DLGAP2: variants seen among roughly 807,000 people sequenced by gnomAD.
DLGAP2 encodes DLG associated protein 2, also known as disks large-associated protein 2.
DLGAP2 carries 26 observed loss-of-function variants against 100.3 expected under a neutral mutation model. The ratio of observed to expected loss-of-function variants is 0.26; its 90% CI spans 0.19 to 0.36. The LOEUF (loss-of-function observed/expected upper bound fraction) is 0.36, where lower values mean the gene tolerates loss of function less well. DLGAP2 is among the 10% of genes least tolerant of loss of function. The pLI is 1.00. For synonymous variants in DLGAP2, 886 were observed against 630.1 expected (o/e 1.41, Z -6.08); for missense variants, 1,858 against 1,453.2 (o/e 1.28, Z -4.53).
At chr8:1,282,543 C>A (rs1362754020) in intron 3 of DLGAP2, among the ~76,000 whole-genome samples, 3 of 128,124 alleles carry the variant, frequency 2.3e-5, no homozygotes, top group South Asian at 2.6e-4. Context: ...CCTGAACCAT[C>A]CGGACATGGT....
Position 835,152 on chromosome 8 carries a change from C to T in DLGAP2, c.19-72760C>T, listed in dbSNP as rs186148188. ...TCATATGGATGGAGTTAATGCTCCT[C>T]GTCTGGTACTATGCACTGAATTGAA... On this transcript the variant is annotated intron_variant, in intron 1 of 14. Coordinates refer to ENST00000637795, the MANE Select transcript of DLGAP2 (RefSeq NM_001346810.2). 2.0e-4 allele frequency among the ~76,000 whole-genome samples: 30 copies of T among 152,186 alleles called. No individual in the cohort carries two copies. The South Asian group carries it at 4.2e-3, about 21-fold the overall frequency.
At chr8:999,384 T>C (rs1355844791) in intron 2 of DLGAP2, among the ~76,000 whole-genome samples, 1 of 152,102 alleles carries the variant, frequency 6.6e-6, no homozygotes, top group Non-Finnish European at 1.5e-5. Flanking sequence ...AGGTGATTAT[T>C]TTGAATCTTC....
intron 1 of DLGAP2, among the ~76,000 whole-genome samples, chr8:879,099 T>A (rs1331561718): frequency 1.3e-5 from 2 of 152,200 alleles, no homozygotes; most frequent in African/African-American, 4.8e-5. Context: ...TTTATTTTTA[T>A]TTTTTACATT....
intron 3 of DLGAP2, among the ~76,000 whole-genome samples, chr8:1,478,345 C>T (rs1798992684): frequency 6.6e-6 from 1 of 152,216 alleles, no homozygotes; most frequent in Non-Finnish European, 1.5e-5. Context: ...GAGCACCCCT[C>T]AGCTCATGTG....
chr8:1,060,088 G>A (rs948027345), intron 2 of DLGAP2, among the ~76,000 whole-genome samples: 1 of 152,202 alleles, frequency 6.6e-6, no homozygotes, highest in Non-Finnish European at 1.5e-5. Flanking sequence ...CACAGGGTCA[G>A]ATGCGAACTG....
At chr8:1,330,174 G>A (rs960646280) in intron 3 of DLGAP2, among the ~76,000 whole-genome samples, 15 of 152,332 alleles carry the variant, frequency 9.8e-5, no homozygotes, top group South Asian at 4.1e-4. Flanking sequence ...GGTGCTGGCC[G>A]TGGTGCTGAC....
intron 2 of DLGAP2, among the ~76,000 whole-genome samples, chr8:1,189,938 G>A (rs968159340): frequency 6.6e-6 from 1 of 152,140 alleles, no homozygotes; most frequent in Non-Finnish European, 1.5e-5. Context: ...GAAAATCCTA[G>A]GAAAAGCCAA....
intron 3 of DLGAP2, chr8:1,262,680 C>T (rs1799375572): frequency 1.3e-5 from 2 of 152,092 alleles, no homozygotes; most frequent in South Asian, 4.1e-4. Context: ...AAGGCAGTAA[C>T]CAGTTACTAT....
At chr8:1,011,508 A>G (rs962396256) in intron 2 of DLGAP2, among the ~76,000 whole-genome samples, 11 of 148,028 alleles carry the variant, frequency 7.4e-5, no homozygotes, top group Non-Finnish European at 1.6e-4. Context: ...GAGGGGTCTC[A>G]GTCTGCACAG....
At position 1,678,222 on chromosome 8, in the gene DLGAP2, G is replaced by A. The variant is rs774832692; in HGVS notation, c.2297G>A (p.Arg766His). ...VQVEDEKRHG[R>H]FKRSNSVTAA... ...CTTCCCTCCTTTTGCAGACACGGAC[G>A]TTTTAAACGTTCTAACAGCGTCACG... Residue 766 changes from arginine to histidine, a missense_variant, in exon 12 of 15, where the codon CGT becomes CAT. Transcript: ENST00000637795. The A allele has an allele frequency of 1.6e-5, 25 of 1,610,290 alleles. No individual in the cohort carries two copies. The highest frequency in any genetic ancestry group is 5.0e-5 in the Admixed American group (3 of 59,852).
chr8:1,277,169 G>T lies in DLGAP2; in HGVS notation c.106+18286G>T, dbSNP rs139358313. Among the ~76,000 whole-genome samples the T allele has an allele frequency of 2.4e-3, 358 of 152,280 alleles. 2 individuals are homozygous for T. Among genetic ancestry groups the T allele is most frequent in the African/African-American group, 7.6e-3 (317 of 41,554 alleles). ...AGAATCTAGAAATCTCAGAAATATA[G>T]TGTTTCATTCAAAGTGTGGCTATTT... On this transcript the variant is annotated intron_variant, in intron 3 of 14. Coordinates refer to ENST00000637795, the MANE Select transcript of DLGAP2 (RefSeq NM_001346810.2).
At chr8:1,327,670 C>G (rs746535085) in intron 3 of DLGAP2, among the ~76,000 whole-genome samples, 4 of 152,008 alleles carry the variant, frequency 2.6e-5, no homozygotes, top group Non-Finnish European at 5.9e-5. Context: ...CCATGAAACC[C>G]CATCTCTACT....
rs1022500119 is a variant in DLGAP2, at chr8:1,160,567, A to G, written c.74-98284A>G. Among the ~76,000 whole-genome samples the G allele has an allele frequency of 1.4e-4, 21 of 152,140 alleles. 2 individuals are homozygous for G. Among genetic ancestry groups the G allele is most frequent in the Admixed American group, 9.2e-4 (14 of 15,284 alleles). On this transcript the variant is annotated intron_variant, in intron 2 of 14. Coordinates refer to ENST00000637795, the MANE Select transcript of DLGAP2 (RefSeq NM_001346810.2). ...TGGATGCCTTTATCTTACACTCATT[A>G]TTTTGCCAGTTTGGGGAGTAGCAAC... is the stretch of plus-strand genomic sequence containing the variant.
chr8:1,098,340 A>G (rs1484928667), intron 2 of DLGAP2, among the ~76,000 whole-genome samples: 1 of 152,240 alleles, frequency 6.6e-6, no homozygotes, highest in Admixed American at 6.5e-5. Context: ...TTCACCTTCA[A>G]TGAATGTTCA....
chr8:1,173,008 G>C (rs1372000468), intron 2 of DLGAP2, among the ~76,000 whole-genome samples: 1 of 152,016 alleles, frequency 6.6e-6, no homozygotes, highest in East Asian at 1.9e-4. Context: ...CCATCTTTGT[G>C]GTTTTATCTA....
intron 6 of DLGAP2, among the ~76,000 whole-genome samples, chr8:1,605,658 G>T: frequency 6.6e-6 from 1 of 152,152 alleles, no homozygotes; most frequent in East Asian, 1.9e-4. Context: ...TCCCGCTGAT[G>T]TTACCTTCCC....
At chr8:987,257 C>A (rs1451859656) in intron 2 of DLGAP2, among the ~76,000 whole-genome samples, 1 of 152,108 alleles carries the variant, frequency 6.6e-6, no homozygotes, top group Non-Finnish European at 1.5e-5. Context: ...CAGAGATGGT[C>A]AGTCACCATG....
chr8:1,447,685 G>C (rs1248184529), intron 3 of DLGAP2, among the ~76,000 whole-genome samples: 1 of 152,212 alleles, frequency 6.6e-6, no homozygotes, highest in Non-Finnish European at 1.5e-5. Flanking sequence ...TTGTGCCTCT[G>C]GTAGAATTCG....
chr8:1,561,126 C>T (rs1022376451), intron 5 of DLGAP2, among the ~76,000 whole-genome samples: 4 of 152,068 alleles, frequency 2.6e-5, no homozygotes, highest in African/African-American at 9.7e-5. Flanking sequence ...AAAGGGAGTT[C>T]CCCTGCACAC....
Sources: gnomAD v4.1 joint callset for allele counts (sites outside exome capture counted in the v4.1 genomes callset) on GRCh38, gnomAD v4.1.1 for gene constraint, MANE v1.5 for transcripts, NCBI Gene and HGNC (gene_info 2026-07-23, HGNC 2026-07-21) for gene names.